IGSF11: variants seen among roughly 807,000 people sequenced by gnomAD.
The protein encoded by IGSF11 is CXADR like 1.
In IGSF11, 22 loss-of-function variants were observed where a neutral mutation model predicts 41.0. The ratio of observed to expected loss-of-function variants is 0.54; its 90% CI spans 0.38 to 0.77. IGSF11 has a LOEUF of 0.77. IGSF11 is among the 30% of genes least tolerant of loss of function. The probability of loss-of-function intolerance (pLI) is 0.00; values close to 1 mark genes in which losing one functional copy is unlikely to be tolerated. For missense variants in IGSF11, 444 were observed against 530.8 expected, an observed-to-expected ratio of 0.84 and a Z score of 1.61; for synonymous variants, 219 against 201.3, an observed-to-expected ratio of 1.09 and a Z score of -0.74.
At chr3:118,954,117 T>A (rs1944786963) in intron 1 of IGSF11, among the ~76,000 whole-genome samples, 1 of 152,150 alleles carries the variant, frequency 6.6e-6, no homozygotes, top group Admixed American at 6.5e-5. Flanking sequence ...TTCTATTACA[T>A]GTACCTTGCC....
chr3:118,991,225 A>G (rs891314230), intron 1 of IGSF11, among the ~76,000 whole-genome samples: 1 of 152,218 alleles, frequency 6.6e-6, no homozygotes, highest in African/African-American at 2.4e-5. Flanking sequence ...TTATTGTTCC[A>G]TCACAGATAT....
chr3:119,007,123 G>A (rs1252434059), intron 1 of IGSF11, among the ~76,000 whole-genome samples: 1 of 139,568 alleles, frequency 7.2e-6, no homozygotes, highest in African/African-American at 2.9e-5. Context: ...GAGACTCCGT[G>A]GGCGTAGGAC....
At chr3:119,038,307 GTAGA>G (rs146638373), upstream of IGSF11, among the ~76,000 whole-genome samples, 435 of 152,210 alleles carry the variant, frequency 2.9e-3, 1 homozygote, top group African/African-American at 9.8e-3. Flanking sequence ...AACTCATAAC[GTAGA>G]TATATTGATA....
At chr3:119,065,618 C>A (rs1316897966) in intron 1 of IGSF11, among the ~76,000 whole-genome samples, 2 of 151,918 alleles carry the variant, frequency 1.3e-5, no homozygotes, top group Admixed American at 6.6e-5. Flanking sequence ...TATGGTGAAA[C>A]CCCGCCTGTA....
upstream of IGSF11, among the ~76,000 whole-genome samples, chr3:119,106,989 GT>G (rs1415239338): frequency 1.3e-5 from 2 of 152,134 alleles, no homozygotes; most frequent in Non-Finnish European, 2.9e-5. Flanking sequence ...GTCTATCATT[GT>G]TGGACATTTG....
At chr3:118,955,586 A>G (rs936090898) in intron 1 of IGSF11, among the ~76,000 whole-genome samples, 2 of 152,156 alleles carry the variant, frequency 1.3e-5, no homozygotes, top group African/African-American at 4.8e-5. Context: ...GGCCAAATGC[A>G]TTGTCAATGA....
intron 1 of IGSF11, among the ~76,000 whole-genome samples, chr3:119,044,123 G>A (rs1164801925): frequency 6.6e-6 from 1 of 152,136 alleles, no homozygotes; most frequent in Non-Finnish European, 1.5e-5. Context: ...GGAGGCACAA[G>A]AGAAAGGTGA....
upstream of IGSF11, chr3:119,034,858 C>A (rs1940795792): frequency 3.3e-6 from 4 of 1,212,332 alleles, no homozygotes; most frequent in Non-Finnish European, 4.1e-6. Flanking sequence ...GCCGACCCCT[C>A]GCGCAGTCCG....
At chr3:119,035,944 A>G (rs1940873657), upstream of IGSF11, among the ~76,000 whole-genome samples, 2 of 152,238 alleles carry the variant, frequency 1.3e-5, no homozygotes, top group Admixed American at 1.3e-4. Flanking sequence ...AAACTCAGAA[A>G]CAAAAATAAT....
chr3:118,927,638 G>A (rs1175330769), intron 3 of IGSF11, among the ~76,000 whole-genome samples: 1 of 152,098 alleles, frequency 6.6e-6, no homozygotes, highest in Non-Finnish European at 1.5e-5. Flanking sequence ...AAAGAAAGCG[G>A]GGGTGGAGTT....
rs140442886 is a variant in IGSF11 at position 118,973,163 on chromosome 3, T to C, written c.53-42888A>G. On this transcript the variant is annotated intron_variant, in intron 1 of 6. Coordinates refer to ENST00000393775, the MANE Select transcript of IGSF11 (RefSeq NM_001015887.3). Reference sequence around the variant, plus strand: ...TGCCCCGCCCAGCAGGGAGCAGAGCTTGTCATATGTATACAGAAGCCAGGC... The same window carrying C: ...TGCCCCGCCCAGCAGGGAGCAGAGCCTGTCATATGTATACAGAAGCCAGGC... Among the ~76,000 whole-genome samples the C allele has an allele frequency of 1.9e-4, 29 of 152,352 alleles. No individual in the cohort carries two copies. The East Asian group carries it at 4.8e-3, about 25-fold the overall frequency.
intron 1 of IGSF11, among the ~76,000 whole-genome samples, chr3:119,069,757 T>C (rs1434466069): frequency 2.6e-5 from 4 of 152,146 alleles, no homozygotes; most frequent in African/African-American, 7.2e-5. Flanking sequence ...AAAAAGGTGC[T>C]ACTTTGTTAA....
chr3:118,911,438 G>GC (rs1274177357), intron 4 of IGSF11, among the ~76,000 whole-genome samples: 1 of 152,144 alleles, frequency 6.6e-6, no homozygotes, highest in Non-Finnish European at 1.5e-5. Flanking sequence ...GAATCAGGCT[G>GC]CGTGTGGTGG....
chr3:118,928,850 T>C, intron 2 of IGSF11, 134 bp from the exon 3 acceptor site: 6 of 662,156 alleles, frequency 9.1e-6, no homozygotes, highest in Non-Finnish European at 1.6e-5. Flanking sequence ...ATAATTATCA[T>C]CAACTTTTTT....
chr3:119,027,610 T>C (rs183444275), intron 1 of IGSF11, among the ~76,000 whole-genome samples: 101 of 152,338 alleles, frequency 6.6e-4, no homozygotes, highest in Non-Finnish European at 1.2e-3. Flanking sequence ...GCTTTGTTTC[T>C]AAACAGATTA....
intron 1 of IGSF11, among the ~76,000 whole-genome samples, chr3:119,025,691 G>A (rs1011056075): frequency 2.6e-5 from 4 of 151,840 alleles, no homozygotes; most frequent in Non-Finnish European, 4.4e-5. Flanking sequence ...TGTATAGTCA[G>A]ACATACTGGG....
chr3:119,074,093 T>C (rs2076450980), intron 1 of IGSF11, among the ~76,000 whole-genome samples: 2 of 152,218 alleles, frequency 1.3e-5, no homozygotes, highest in South Asian at 4.1e-4. Context: ...ACACTGACCA[T>C]ATTAGGCAGA....
chr3:119,045,639 A>T (rs1044436991), intron 1 of IGSF11, among the ~76,000 whole-genome samples: 2 of 152,144 alleles, frequency 1.3e-5, no homozygotes, highest in Middle Eastern at 3.4e-3. Flanking sequence ...GGTGGAGCCC[A>T]CCACAGCTCA....
chr3:119,037,994 T>G (rs992924708), upstream of IGSF11, among the ~76,000 whole-genome samples: 4 of 152,190 alleles, frequency 2.6e-5, no homozygotes, highest in African/African-American at 9.6e-5. Context: ...AGGAAAAACC[T>G]GTTTGATCCT....
Sources: gnomAD v4.1 joint callset for allele counts (sites outside exome capture counted in the v4.1 genomes callset) on GRCh38, gnomAD v4.1.1 for gene constraint, MANE v1.5 for transcripts, NCBI Gene and HGNC (gene_info 2026-07-23, HGNC 2026-07-21) for gene names.